Variants in BANK1 observed in about 807,000 individuals in gnomAD.
BANK1 encodes the protein B-cell scaffold protein with ankyrin repeats.
BANK1 carries 95 observed loss-of-function variants against 94.5 expected under a neutral mutation model. The ratio of observed to expected loss-of-function variants is 1.00; its 90% confidence interval spans 0.85 to 1.19. BANK1 has a LOEUF of 1.19. BANK1 is among the 50% of genes most tolerant of loss of function. The pLI, the probability that BANK1 is intolerant of heterozygous loss-of-function variation, is 0.00. For synonymous variants in BANK1, 334 were observed against 308.4 expected (o/e 1.08, Z -0.87); for missense variants, 987 against 932.2 (o/e 1.06, Z -0.77).
At position 102,074,790 on chromosome 4, in the gene BANK1, C is replaced by T. The variant is rs959719308; in HGVS notation, c.*791C>T. The T allele has an allele frequency of 6.6e-6, 1 of 151,972 alleles. No individual in the cohort carries two copies. Among genetic ancestry groups the T allele is most frequent in the Non-Finnish European group, 1.5e-5 (1 of 67,894 alleles). 9.4% of individuals were successfully genotyped at this position (151,972 alleles called of 1,614,324 possible). On this transcript the variant is annotated 3_prime_UTR_variant, in exon 17 of 17. Coordinates refer to ENST00000322953, the MANE Select transcript of BANK1 (RefSeq NM_017935.5). ...TAAGAATTAGCCAATAAAATTGCTT[C>T]TCGGCCTTTTGGCTAAGATCAAGTG...
intron 5 of BANK1, among the ~76,000 whole-genome samples, chr4:101,888,774 T>C (rs571565071): frequency 1.1e-4 from 16 of 152,376 alleles, no homozygotes; most frequent in African/African-American, 3.8e-4. Context: ...GTGGTAGTTA[T>C]TACTATTAGT....
rs1464154092 is a variant in BANK1, at chr4:102,025,255, C to T, written c.1340C>T (p.Ala447Val). The T allele has an allele frequency of 6.2e-7, 1 of 1,614,054 alleles. No homozygotes were observed. The highest frequency in any genetic ancestry group is 1.7e-5 in the Admixed American group (1 of 60,006). ...HESRKTYGQS[A>V]DGAEANEMEG... is the part of the protein sequence containing the mutation. Reference sequence around the variant, plus strand: ...AGCAGGAAGACATACGGGCAGAGTGCAGATGGAGCTGAGGCAAATGAAATG... The same window carrying T: ...AGCAGGAAGACATACGGGCAGAGTGTAGATGGAGCTGAGGCAAATGAAATG... The change falls in exon 9 of 17, where the codon GCA (alanine) becomes GTA (valine). Residue 447 changes from alanine (A) to valine (V), a missense_variant. By Grantham distance (64) the Ala-to-Val change is moderately conservative. Coordinates refer to ENST00000322953, the MANE Select transcript of BANK1 (RefSeq NM_017935.5).
At chr4:101,886,422 C>T (rs1728858289) in intron 5 of BANK1, among the ~76,000 whole-genome samples, 1 of 152,036 alleles carries the variant, frequency 6.6e-6, no homozygotes, top group African/African-American at 2.4e-5. Flanking sequence ...GAACCTGGCT[C>T]CCAAAACAAA....
chr4:101,989,810 A>G (rs1293235919), intron 7 of BANK1, among the ~76,000 whole-genome samples: 1 of 152,190 alleles, frequency 6.6e-6, no homozygotes, highest in Non-Finnish European at 1.5e-5. Flanking sequence ...TAAGTGCATT[A>G]TATCAAGAGA....
intron 7 of BANK1, among the ~76,000 whole-genome samples, chr4:101,943,729 C>T (rs1723828507): frequency 6.6e-6 from 1 of 151,724 alleles, no homozygotes; most frequent in Non-Finnish European, 1.5e-5. Flanking sequence ...GAAGGGGAAC[C>T]TTAACAGAGC....
At chr4:102,043,040 T>C (rs1174201111) in intron 10 of BANK1, among the ~76,000 whole-genome samples, 3 of 152,012 alleles carry the variant, frequency 2.0e-5, no homozygotes, top group Non-Finnish European at 4.4e-5. Context: ...TTGGACTAAA[T>C]CTCCAAAGCC....
At chr4:101,971,157 T>C (rs1260904129) in intron 7 of BANK1, among the ~76,000 whole-genome samples, 1 of 152,104 alleles carries the variant, frequency 6.6e-6, no homozygotes, top group Non-Finnish European at 1.5e-5. Flanking sequence ...TACAGATCAC[T>C]CTCTGGGCAA....
intron 7 of BANK1, among the ~76,000 whole-genome samples, chr4:102,020,167 A>G (rs1294956767): frequency 1.3e-5 from 2 of 150,264 alleles, no homozygotes; most frequent in Non-Finnish European, 3.0e-5. Context: ...CATTGCTACT[A>G]ATAAATTAGT....
In BANK1 at chr4:101,918,022, C is replaced by G; in HGVS notation, c.1039C>G (p.Leu347Val). ...YTHFKELPTL[L>V]HCAAKFGLKN... ...TCATTTCAAAGAACTTCCAACTCTT[C>G]TCCACTGTGCAGCAAAATTTGGCTT... The change falls in exon 7 of 17, where the codon CTC becomes GTC. Residue 347 changes from leucine (L) to valine (V), a missense_variant. Physicochemically the swap from Leu to Val is conservative, Grantham distance 32. Coordinates refer to ENST00000322953, the MANE Select transcript of BANK1 (RefSeq NM_017935.5). 1 of 1,610,084 alleles carries G rather than the reference C, an allele frequency of 6.2e-7. No homozygotes were observed. The highest frequency in any genetic ancestry group is 1.1e-5 in the South Asian group (1 of 90,678).
chr4:102,060,504 A>G (rs954250663), intron 12 of BANK1, 115 bp downstream of exon 12: 3 of 1,096,680 alleles, frequency 2.7e-6, no homozygotes, highest in African/African-American at 1.6e-5. Context: ...TTAACTAGCC[A>G]CTAAGGAAGA....
At chr4:102,062,845 TCA>T in intron 12 of BANK1, 1 of 469,968 alleles carries the variant, frequency 2.1e-6, no homozygotes, top group Middle Eastern at 5.8e-4. Context: ...TCTCTGTACC[TCA>T]GTTTCCATAT....
chr4:101,925,072 C>T (rs1304708245), intron 7 of BANK1, among the ~76,000 whole-genome samples: 1 of 146,930 alleles, frequency 6.8e-6, no homozygotes, highest in Non-Finnish European at 1.5e-5. Context: ...TCTGAAAAGC[C>T]ACATCTTATT....
At chr4:102,023,152 T>C (rs979168432) in intron 8 of BANK1, among the ~76,000 whole-genome samples, 1 of 152,202 alleles carries the variant, frequency 6.6e-6, no homozygotes, top group African/African-American at 2.4e-5. Flanking sequence ...GAACATAGTC[T>C]ATGCCCAATG....
chr4:101,804,941 T>C (rs1725504033), intron 1 of BANK1, among the ~76,000 whole-genome samples: 1 of 152,196 alleles, frequency 6.6e-6, no homozygotes. Context: ...ATATTTTGAA[T>C]GTGTGTGTTT....
rs943915665 is a variant in BANK1 at position 101,790,940 on chromosome 4, A to G, written c.60A>G (p.Pro20=). The G allele has an allele frequency of 6.6e-6, 10 of 1,524,162 alleles. No homozygotes were observed. Among genetic ancestry groups the G allele is most frequent in the Non-Finnish European group, 7.0e-6 (8 of 1,141,436 alleles). The allele number at this position is 1,524,162 out of a possible 1,614,324, so 94.4% of individuals were successfully genotyped here. Residue 20 remains proline, a synonymous_variant, in exon 1 of 17, where the codon CCA becomes CCG. Coordinates refer to ENST00000322953, the MANE Select transcript of BANK1 (RefSeq NM_017935.5). The part of the protein sequence containing the change: ...LGSPDPAPCG[P]APPGNTKDII... ...GCCCGGACCCCGCCCCCTGCGGCCC[A>G]GCGCCCCCAGGTGGGTAGTCGCGCA...
intron 7 of BANK1, among the ~76,000 whole-genome samples, chr4:101,979,785 C>T (rs1725265800): frequency 6.6e-6 from 1 of 151,806 alleles, no homozygotes; most frequent in African/African-American, 2.4e-5. Context: ...TGAACCAATT[C>T]ACACTTTTAC....
chr4:101,837,517 T>C (rs2148866270), intron 2 of BANK1, among the ~76,000 whole-genome samples: 1 of 152,368 alleles, frequency 6.6e-6, no homozygotes, highest in Non-Finnish European at 1.5e-5. Context: ...CATGATTTAA[T>C]AATGTCACTC....
chr4:102,040,686 C>T lies in BANK1; in HGVS notation c.1901-3153C>T, dbSNP rs184234829. 2.6e-3 allele frequency among the ~76,000 whole-genome samples: 394 copies of T among 152,068 alleles called. 2 individuals carry two copies. Among genetic ancestry groups the T allele is most frequent in the Non-Finnish European group, 4.7e-3 (319 of 67,926 alleles). ...TTTCTCATTTTTATGTTAGTCTAAG[C>T]CCCCCAGGTTATAAATAATATTTTC... On this transcript the variant is annotated intron_variant, in intron 10 of 16. Coordinates refer to ENST00000322953, the MANE Select transcript of BANK1 (RefSeq NM_017935.5).
At chr4:101,979,736 A>G (rs1478000289) in intron 7 of BANK1, among the ~76,000 whole-genome samples, 1 of 151,872 alleles carries the variant, frequency 6.6e-6, no homozygotes, top group African/African-American at 2.4e-5. Context: ...ATAAATATGT[A>G]TATTTTGATA....
Sources: gnomAD v4.1 joint callset for allele counts (sites outside exome capture counted in the v4.1 genomes callset) on GRCh38, gnomAD v4.1.1 for gene constraint, MANE v1.5 for transcripts, NCBI Gene and HGNC (gene_info 2026-07-23, HGNC 2026-07-21) for gene names.